DCAF5: variants seen among roughly 807,000 people sequenced by gnomAD.
The protein encoded by DCAF5 is DDB1 and CUL4 associated factor 5, also known as DDB1- and CUL4-associated factor 5.
A neutral mutation model predicts 80.7 loss-of-function variants in DCAF5; 9 were observed. That is an observed-to-expected ratio of 0.11 (90% CI 0.07 to 0.19). DCAF5 has a LOEUF of 0.19. DCAF5 is among the 10% of genes least tolerant of loss of function. The pLI, the probability that DCAF5 is intolerant of heterozygous loss-of-function variation, is 1.00. For missense variants in DCAF5, 842 were observed against 1,205.7 expected (o/e 0.70, Z 4.47); for synonymous variants, 433 against 461.9 (o/e 0.94, Z 0.80).
chr14:69,116,282 C>T, intron 5 of DCAF5, 84 bp downstream of exon 5: 2 of 1,501,084 alleles, frequency 1.3e-6, no homozygotes, highest in Non-Finnish European at 1.8e-6. Context: ...CCAAAGAGGT[C>T]CTTACAACAC....
chr14:69,137,234 G>A (rs112025098), intron 1 of DCAF5, among the ~76,000 whole-genome samples: 16 of 152,140 alleles, frequency 1.1e-4, no homozygotes, highest in African/African-American at 3.9e-4. Flanking sequence ...TAGAGCTGGG[G>A]GACACTAAAA....
chr14:69,127,949 A>G (rs1322218108), intron 1 of DCAF5, among the ~76,000 whole-genome samples: 1 of 152,158 alleles, frequency 6.6e-6, no homozygotes, highest in Non-Finnish European at 1.5e-5. Flanking sequence ...AATACCCCAT[A>G]TTAAGGAAGT....
chr14:69,101,090 G>A (rs2039936559), intron 5 of DCAF5, among the ~76,000 whole-genome samples: 1 of 152,196 alleles, frequency 6.6e-6, no homozygotes, highest in Admixed American at 6.5e-5. Flanking sequence ...AGGAGACCAA[G>A]GTCCTGAGTA....
chr14:69,088,243 G>A lies in DCAF5; in HGVS notation c.879+3431C>T, dbSNP rs538624579. On this transcript the variant is annotated intron_variant, in intron 6 of 8. Coordinates refer to ENST00000341516, the MANE Select transcript of DCAF5 (RefSeq NM_003861.3). The stretch of plus-strand genomic sequence containing the variant: ...TACAGTGAAAAGGGGTCTCTATTGA[G>A]AGCCCAAAAATCTGGGTTCTAGCCC... Among the ~76,000 whole-genome samples, 5 of 152,310 alleles carry A rather than the reference G, an allele frequency of 3.3e-5. No individual in the cohort carries two copies. The South Asian group carries it at 8.3e-4, about 25-fold the overall frequency.
intron 5 of DCAF5, among the ~76,000 whole-genome samples, chr14:69,104,838 C>T (rs577417454): frequency 4.0e-5 from 6 of 150,464 alleles, no homozygotes; most frequent in Non-Finnish European, 7.4e-5. Context: ...GCCTGGGCAA[C>T]GAGAGCAAAA....
intron 5 of DCAF5, among the ~76,000 whole-genome samples, chr14:69,114,035 A>C (rs1303411452): frequency 2.6e-5 from 4 of 152,188 alleles, no homozygotes; most frequent in Non-Finnish European, 5.9e-5. Context: ...TTGAAGAAGA[A>C]CTCAAAACAA....
chr14:69,096,333 G>A (rs768969231), intron 5 of DCAF5, among the ~76,000 whole-genome samples: 3 of 152,168 alleles, frequency 2.0e-5, no homozygotes, highest in East Asian at 1.9e-4. Context: ...GACACATTGC[G>A]ATCTGTGAAT....
At chr14:69,103,365 G>A (rs2140010579) in intron 5 of DCAF5, among the ~76,000 whole-genome samples, 1 of 152,354 alleles carries the variant, frequency 6.6e-6, no homozygotes, top group East Asian at 1.9e-4. Context: ...GAGGTAGTCA[G>A]AGGGGGCGTT....
intron 1 of DCAF5, among the ~76,000 whole-genome samples, chr14:69,139,054 G>A (rs2041276461): frequency 6.6e-6 from 1 of 152,130 alleles, no homozygotes; most frequent in South Asian, 2.1e-4. Flanking sequence ...CAGAGGTTGA[G>A]GTGGGAGGAT....
intron 6 of DCAF5, among the ~76,000 whole-genome samples, chr14:69,087,331 G>A (rs2039371277): frequency 6.6e-6 from 1 of 152,108 alleles, no homozygotes; most frequent in Admixed American, 6.6e-5. Flanking sequence ...GCTTCAGGGA[G>A]AAAACAAAAC....
chr14:69,062,930 C>A (rs1295592613), intron 7 of DCAF5, among the ~76,000 whole-genome samples: 1 of 151,948 alleles, frequency 6.6e-6, no homozygotes, highest in Non-Finnish European at 1.5e-5. Context: ...CATATAATGA[C>A]TTAAATGTAC....
intron 6 of DCAF5, among the ~76,000 whole-genome samples, chr14:69,079,371 T>G (rs2039017339): frequency 1.3e-5 from 2 of 152,180 alleles, no homozygotes; most frequent in Admixed American, 1.3e-4. Flanking sequence ...ACAGGCTTCC[T>G]CTTAGGGATA....
At chr14:69,135,592 T>C (rs2041166903) in intron 1 of DCAF5, among the ~76,000 whole-genome samples, 1 of 152,224 alleles carries the variant, frequency 6.6e-6, no homozygotes, top group African/African-American at 2.4e-5. Flanking sequence ...TTTGGGTATT[T>C]GCTAATATTT....
chr14:69,092,963 T>A lies in DCAF5; in HGVS notation c.666-1076A>T, dbSNP rs145873662. On this transcript the variant is annotated intron_variant, in intron 5 of 8. Coordinates refer to ENST00000341516, the MANE Select transcript of DCAF5 (RefSeq NM_003861.3). Reference sequence around the variant, plus strand: ...GCAGTTTCATAAGATTCACATTTTTTAAAAAGTTTCACACAGTATGGTTCT... The same window carrying A: ...GCAGTTTCATAAGATTCACATTTTTAAAAAAGTTTCACACAGTATGGTTCT... Among the ~76,000 whole-genome samples the A allele has an allele frequency of 7.7e-3, 1,177 of 152,354 alleles. 7 individuals carry two copies. Among genetic ancestry groups the A allele is most frequent in the African/African-American group, 0.02 (834 of 41,592 alleles).
chr14:69,059,631 C>T (rs1328196765), intron 8 of DCAF5, among the ~76,000 whole-genome samples: 1 of 152,172 alleles, frequency 6.6e-6, no homozygotes, highest in Non-Finnish European at 1.5e-5. Context: ...TGAGATGAGG[C>T]CAGCATGGCC....
intron 1 of DCAF5, among the ~76,000 whole-genome samples, chr14:69,123,270 G>A (rs1432093006): frequency 6.6e-6 from 1 of 152,172 alleles, no homozygotes; most frequent in Admixed American, 6.5e-5. Flanking sequence ...ATTTTTAAAA[G>A]CTCCATGACA....
chr14:69,098,101 C>T (rs2039798273), intron 5 of DCAF5, among the ~76,000 whole-genome samples: 1 of 151,802 alleles, frequency 6.6e-6, no homozygotes, highest in South Asian at 2.1e-4. Flanking sequence ...AGACAATACC[C>T]CCTACCCTCA....
At chr14:69,083,850 T>A (rs2039211596) in intron 6 of DCAF5, 1 of 744,256 alleles carries the variant, frequency 1.3e-6, no homozygotes, top group African/African-American at 1.7e-5. Flanking sequence ...AGCCAGATGA[T>A]GAAGATGACA....
chr14:69,151,164 T>G (rs1450045407), intron 1 of DCAF5, among the ~76,000 whole-genome samples: 1 of 152,126 alleles, frequency 6.6e-6, no homozygotes, highest in Non-Finnish European at 1.5e-5. Flanking sequence ...TTGATAAAAT[T>G]TTATACGGTG....
Sources: allele counts gnomAD v4.1 joint callset (sites outside exome capture counted in the v4.1 genomes callset), GRCh38; gene constraint gnomAD v4.1.1; transcripts MANE v1.5; gene names NCBI Gene and HGNC (gene_info 2026-07-23, HGNC 2026-07-21).